The following SCN8A variants were observed in gnomAD, a reference collection of about 807,000 sequenced individuals.
SCN8A encodes sodium voltage-gated channel alpha subunit 8.
SCN8A carries 30 observed loss-of-function variants against 184.1 expected under a neutral mutation model. The observed-to-expected ratio is 0.16, with a 90% CI of 0.12 to 0.22. SCN8A has a LOEUF of 0.22. SCN8A is among the 10% of genes least tolerant of loss of function. The probability of loss-of-function intolerance (pLI) is 1.00; values close to 1 mark genes in which losing one functional copy is unlikely to be tolerated. For synonymous variants in SCN8A, 852 were observed against 907.0 expected (o/e 0.94, Z 1.09); for missense variants, 1,057 against 2,498.9 (o/e 0.42, Z 12.30).
intron 1 of SCN8A, among the ~76,000 whole-genome samples, chr12:51,618,191 C>T (rs1337021033): frequency 1.3e-5 from 2 of 152,086 alleles, no homozygotes; most frequent in East Asian, 3.9e-4. Flanking sequence ...CTTTCCTGTG[C>T]TCTTGGGATC....
chr12:51,645,352 T>C (rs530348540), intron 1 of SCN8A, among the ~76,000 whole-genome samples: 246 of 145,180 alleles, frequency 1.7e-3, no homozygotes, highest in African/African-American at 5.7e-3. Flanking sequence ...GCCCCCCGTC[T>C]GGCCAGCTGC....
At position 51,811,429 on chromosome 12, in the gene SCN8A, T is replaced by G. The variant is rs1938892740; in HGVS notation, c.*4000T>G. ...GTCAGCCAACCCAGCTGGACTGGCCTTACTTCTGCCTTTTTCACCTGTATG... is the reference window on the plus strand; with the variant it reads ...GTCAGCCAACCCAGCTGGACTGGCCGTACTTCTGCCTTTTTCACCTGTATG... On this transcript the variant is annotated 3_prime_UTR_variant, in exon 27 of 27. Transcript: ENST00000627620. 2 of 152,374 alleles carry G rather than the reference T, an allele frequency of 1.3e-5. No individual in the cohort carries two copies. Among genetic ancestry groups the G allele is most frequent in the South Asian group, 2.1e-4 (1 of 4,818 alleles). 9.4% of individuals were successfully genotyped at this position (152,374 alleles called of 1,614,324 possible). A position where few individuals can be genotyped will look rare whatever the true frequency, so the allele number is the denominator to read the frequency against.
intron 1 of SCN8A, among the ~76,000 whole-genome samples, chr12:51,602,447 A>G (rs890192878): frequency 6.6e-6 from 1 of 152,192 alleles, no homozygotes; most frequent in Non-Finnish European, 1.5e-5. Flanking sequence ...AAGGGTTGTG[A>G]GAAACGGGTA....
At chr12:51,628,810 A>G (rs1384405249) in intron 1 of SCN8A, among the ~76,000 whole-genome samples, 1 of 152,180 alleles carries the variant, frequency 6.6e-6, no homozygotes, top group Non-Finnish European at 1.5e-5. Flanking sequence ...ATCTAGTTGT[A>G]TATTAGTAAG....
chr12:51,658,296 T>G (rs1400141674), intron 1 of SCN8A, among the ~76,000 whole-genome samples: 2 of 152,016 alleles, frequency 1.3e-5, no homozygotes, highest in Non-Finnish European at 2.9e-5. Context: ...TTTTCATCAG[T>G]GTTTTAGTTT....
At chr12:51,690,221 C>T (rs557752648) in intron 6 of SCN8A, among the ~76,000 whole-genome samples, 2 of 152,178 alleles carry the variant, frequency 1.3e-5, no homozygotes, top group Non-Finnish European at 1.5e-5. Context: ...AGGAAGACTC[C>T]GTAGAGACCA....
At chr12:51,672,227 C>T (rs1249091654) in intron 2 of SCN8A, among the ~76,000 whole-genome samples, 1 of 152,188 alleles carries the variant, frequency 6.6e-6, no homozygotes, top group Non-Finnish European at 1.5e-5. Flanking sequence ...GGAGGGTTTA[C>T]TCACCACATA....
intron 20 of SCN8A, among the ~76,000 whole-genome samples, chr12:51,778,228 A>G (rs1379853233): frequency 2.0e-5 from 3 of 152,194 alleles, no homozygotes; most frequent in African/African-American, 7.2e-5. Context: ...AGATAACTAC[A>G]CTGGTGGATT....
At chr12:51,591,692 C>G (rs1037836178) in intron 1 of SCN8A, among the ~76,000 whole-genome samples, 51 of 152,184 alleles carry the variant, frequency 3.4e-4, no homozygotes, top group Non-Finnish European at 6.0e-4. Flanking sequence ...GTGCAGCCCT[C>G]CATCCCTCCC....
chr12:51,708,994 T>C (rs1238325754), intron 11 of SCN8A, among the ~76,000 whole-genome samples: 2 of 152,176 alleles, frequency 1.3e-5, no homozygotes, highest in African/African-American at 2.4e-5. Flanking sequence ...TATTCCATAA[T>C]TGAGATATGC....
At chr12:51,792,042 G>T (rs1938270066) in intron 25 of SCN8A, among the ~76,000 whole-genome samples, 1 of 152,032 alleles carries the variant, frequency 6.6e-6, no homozygotes, top group Non-Finnish European at 1.5e-5. Context: ...ATAATAGTTG[G>T]GGAGATAGAT....
chr12:51,695,473 A>G (rs4761830), intron 6 of SCN8A, among the ~76,000 whole-genome samples: 128,206 of 152,164 alleles, frequency 0.84, 54,823 homozygotes, highest in East Asian at 0.97. Context: ...TGCAGGCTTG[A>G]CATATCAGAT....
intron 1 of SCN8A, among the ~76,000 whole-genome samples, chr12:51,639,186 C>G (rs1046547678): frequency 3.3e-5 from 5 of 151,986 alleles, no homozygotes; most frequent in Non-Finnish European, 5.9e-5. Context: ...ACCTTGTTGC[C>G]CAGGCTGGTC....
chr12:51,706,316 T>G, intron 10 of SCN8A, 106 bp from the exon 11 acceptor site: 1 of 1,135,844 alleles, frequency 8.8e-7, no homozygotes, highest in Admixed American at 3.1e-5. Flanking sequence ...CCTCCTTTTT[T>G]CCTCCTTTCC....
intron 21 of SCN8A, among the ~76,000 whole-genome samples, chr12:51,781,863 GA>G (rs1441584595): frequency 6.6e-6 from 1 of 152,124 alleles, no homozygotes; most frequent in Non-Finnish European, 1.5e-5. Flanking sequence ...CAGAATGTAA[GA>G]ATAAAAATTA....
intron 26 of SCN8A, among the ~76,000 whole-genome samples, chr12:51,799,808 G>A (rs1406815039): frequency 6.6e-6 from 1 of 152,224 alleles, no homozygotes; most frequent in East Asian, 1.9e-4. Context: ...GGTTGTAGGA[G>A]AGGCCAAATG....
chr12:51,765,738 C>G lies in SCN8A; in HGVS notation c.2612C>G (p.Ser871Ter). 1 of 1,613,304 alleles carries G rather than the reference C, an allele frequency of 6.2e-7. No homozygotes were observed. Among genetic ancestry groups the G allele is most frequent in the Non-Finnish European group, 8.5e-7 (1 of 1,179,734 alleles). The change falls in exon 16 of 27, where the codon TCA becomes TGA. Residue 871 changes from serine (S) to a stop codon, truncating the protein, a stop_gained. Coordinates refer to ENST00000627620, the MANE Select transcript of SCN8A (RefSeq NM_001330260.2). LOFTEE classifies it high-confidence loss of function. ...LNMLIKIIGNSVGALGNLTLV... is the reference protein window; with the variant it reads ...LNMLIKIIGN ...ATGCTAATCAAGATTATTGGAAATT[C>G]AGTGGGTGCCCTGGGCAACCTGACA...
intron 15 of SCN8A, among the ~76,000 whole-genome samples, chr12:51,764,592 G>A (rs1398571640): frequency 2.6e-5 from 4 of 151,922 alleles, no homozygotes; most frequent in South Asian, 2.1e-4. Flanking sequence ...CCGAGATCAC[G>A]TTGCTGCACA....
intron 1 of SCN8A, among the ~76,000 whole-genome samples, chr12:51,600,002 A>C (rs1039847636): frequency 1.3e-5 from 2 of 152,202 alleles, no homozygotes; most frequent in East Asian, 3.8e-4. Flanking sequence ...TCTGTAATCC[A>C]TGGTAGTCTG....
Sources: allele counts gnomAD v4.1 joint callset (sites outside exome capture counted in the v4.1 genomes callset), GRCh38; gene constraint gnomAD v4.1.1; transcripts MANE v1.5; gene names NCBI Gene and HGNC (gene_info 2026-07-23, HGNC 2026-07-21).